The following USPL1 variants were observed in gnomAD, a reference collection of about 807,000 sequenced individuals.
USPL1 encodes the protein SUMO-specific isopeptidase USPL1.
A neutral mutation model predicts 51.5 loss-of-function variants in USPL1; 27 were observed. That is an observed-to-expected ratio of 0.52 (90% CI 0.39 to 0.72). The LOEUF (loss-of-function observed/expected upper bound fraction) is 0.72. Ranked by LOEUF, USPL1 falls within the 30% of genes least tolerant of loss-of-function variation. USPL1 has a pLI of 0.00. For synonymous variants in USPL1, 451 were observed against 459.6 expected (o/e 0.98, Z 0.24); for missense variants, 1,226 against 1,268.0 (o/e 0.97, Z 0.50).
chr13:30,634,515 T>C (rs751525268), intron 4 of USPL1, among the ~76,000 whole-genome samples: 1 of 152,230 alleles, frequency 6.6e-6, no homozygotes, highest in African/African-American at 2.4e-5. Context: ...TTTCTTGTTG[T>C]AAAAATTTAT....
intron 3 of USPL1, among the ~76,000 whole-genome samples, chr13:30,629,333 G>A (rs1363861484): frequency 6.6e-6 from 1 of 152,052 alleles, no homozygotes; most frequent in African/African-American, 2.4e-5. Context: ...GTGAAACCTT[G>A]TCTCTACAGA....
rs185924335 is a variant in USPL1 at position 30,629,250 on chromosome 13, C to T, written c.229-1585C>T. On this transcript the variant is annotated intron_variant, in intron 3 of 8. Coordinates refer to ENST00000255304, the MANE Select transcript of USPL1 (RefSeq NM_005800.5). ...TGGGCATGGTGGCTCACATCTGGAA[C>T]TCCAGCACTTTGGGAGGCCGAGGCA... 2.6e-5 allele frequency among the ~76,000 whole-genome samples: 4 copies of T among 152,228 alleles called. No homozygotes were observed. In the East Asian group the frequency reaches 7.7e-4, roughly 29 times the overall value.
chr13:30,623,533 TG>T (rs540262069), intron 3 of USPL1, among the ~76,000 whole-genome samples: 248 of 151,234 alleles, frequency 1.6e-3, no homozygotes, highest in African/African-American at 5.7e-3. Flanking sequence ...ATTTGGTCCT[TG>T]TCTATGGTTT....
rs555049390 is a variant in USPL1 at position 30,628,591 on chromosome 13, G to A, written c.229-2244G>A. The stretch of plus-strand genomic sequence containing the variant: ...GTGTGATGTTCCCCTCTCTGTGTCC[G>A]TGTGTTCTCATTGTTCAGCTCCCAC... On this transcript the variant is annotated intron_variant, in intron 3 of 8. Coordinates refer to ENST00000255304, the MANE Select transcript of USPL1 (RefSeq NM_005800.5). Among the ~76,000 whole-genome samples the A allele has an allele frequency of 1.4e-4, 21 of 152,170 alleles. No individual in the cohort carries two copies. In the East Asian group the frequency reaches 1.7e-3, roughly 13 times the overall value.
In USPL1 at chr13:30,653,290, AT is replaced by A. The variant is rs776889667; in HGVS notation, c.1385del (p.Leu462Ter). On this transcript the variant is annotated frameshift_variant, in exon 8 of 9. Coordinates refer to ENST00000255304, the MANE Select transcript of USPL1 (RefSeq NM_005800.5). LOFTEE classifies it low-confidence loss of function (END_TRUNC). ...YRANNHFITW[I>X]LDADGSWLEC... ...AGCAAATAATCATTTTATAACATGG[AT>A]TTTAGATGCTGATGGTAAGTGTTTA... 1 of 1,601,338 alleles carries A rather than the reference AT, an allele frequency of 6.2e-7. No individual in the cohort carries two copies. The highest frequency in any genetic ancestry group is 8.5e-7 in the Non-Finnish European group (1 of 1,171,098).
At chr13:30,643,669 G>A (rs1950979820) in intron 6 of USPL1, among the ~76,000 whole-genome samples, 1 of 137,680 alleles carries the variant, frequency 7.3e-6, no homozygotes, top group Admixed American at 8.0e-5. Flanking sequence ...GAGTGCAGCA[G>A]CGTGATCCCG....
chr13:30,652,238 T>C (rs1951101188), intron 7 of USPL1, among the ~76,000 whole-genome samples: 1 of 152,226 alleles, frequency 6.6e-6, no homozygotes, highest in Admixed American at 6.5e-5. Flanking sequence ...GCAGGACTTT[T>C]TATTTTGTAG....
chr13:30,638,687 A>G (rs1950907263), intron 5 of USPL1, among the ~76,000 whole-genome samples: 1 of 151,822 alleles, frequency 6.6e-6, no homozygotes, highest in African/African-American at 2.4e-5. Context: ...GCAGAATATG[A>G]TACTCCCTAT....
At chr13:30,620,259 A>G (rs771248674) in intron 1 of USPL1, among the ~76,000 whole-genome samples, 12 of 152,176 alleles carry the variant, frequency 7.9e-5, no homozygotes, top group Admixed American at 2.0e-4. Flanking sequence ...ACTTATGCCT[A>G]GAATTATTTT....
intron 3 of USPL1, among the ~76,000 whole-genome samples, chr13:30,625,531 C>T (rs901873157): frequency 2.0e-5 from 3 of 150,626 alleles, no homozygotes; most frequent in African/African-American, 4.9e-5. Context: ...CCGCAACCTC[C>T]GACTCCCTGG....
At chr13:30,628,191 C>T (rs1312676344) in intron 3 of USPL1, among the ~76,000 whole-genome samples, 6 of 151,860 alleles carry the variant, frequency 4.0e-5, no homozygotes, top group South Asian at 2.1e-4. Context: ...CCACTGTACC[C>T]GGCCTCTAGT....
intron 6 of USPL1, among the ~76,000 whole-genome samples, chr13:30,644,882 C>T (rs912974931): frequency 1.3e-5 from 2 of 152,174 alleles, no homozygotes; most frequent in Non-Finnish European, 2.9e-5. Flanking sequence ...TTTATTCATA[C>T]CTAGGACTTA....
intron 3 of USPL1, among the ~76,000 whole-genome samples, chr13:30,622,410 A>G (rs547382085): frequency 6.6e-6 from 1 of 152,318 alleles, no homozygotes; most frequent in South Asian, 2.1e-4. Context: ...CGGCTTTTAT[A>G]TAGCAGCTCA....
rs201175537 is a variant in USPL1 at position 30,657,642 on chromosome 13, C to G, written c.1565C>G (p.Ala522Gly). ...CTTAAAAAGACTAATGACCAACACG[C>G]TCTCAGTAATGAGAAACCAGTATCT... Reference protein sequence around the residue: ...LPLKKTNDQHALSNEKPVSLT... With the variant: ...LPLKKTNDQHGLSNEKPVSLT... The change falls in exon 9 of 9, where the codon GCT becomes GGT. Residue 522 changes from alanine to glycine, a missense_variant. By Grantham distance (60) the Ala-to-Gly change is moderately conservative (BLOSUM62 0). Transcript: ENST00000255304. The G allele has an allele frequency of 6.6e-5, 107 of 1,614,212 alleles. No homozygotes were observed. Among genetic ancestry groups the G allele is most frequent in the Admixed American group, 1.8e-4 (11 of 60,032 alleles).
intron 7 of USPL1, among the ~76,000 whole-genome samples, chr13:30,649,194 C>A (rs1377079103): frequency 1.3e-5 from 2 of 152,148 alleles, no homozygotes; most frequent in Non-Finnish European, 2.9e-5. Context: ...ATAATGTGGG[C>A]ATTTCCTGTT....
At chr13:30,633,784 C>CAAAAAAAAAAAAA (rs61682331) in intron 4 of USPL1, among the ~76,000 whole-genome samples, 1 of 41,274 alleles carries the variant, frequency 2.4e-5, no homozygotes, top group African/African-American at 9.0e-5. Context: ...GACTCTGTCT[C>CAAAAAAAAAAAAA]AAAAAAAAAA....
At chr13:30,653,375 T>C in intron 8 of USPL1, 70 bp downstream of exon 8, 3 of 1,429,672 alleles carry the variant, frequency 2.1e-6, no homozygotes, top group Non-Finnish European at 2.8e-6. Context: ...GGGGACTTTT[T>C]GGTTTTTGTT....
rs1413211550 is a variant in USPL1 at position 30,639,589 on chromosome 13, G to A, written c.982+1732G>A. The stretch of plus-strand genomic sequence containing the variant: ...TATTCTTTTTTCTTTATATCAAGGT[G>A]TAATTTACATATAGTAAGACCGTTT... On this transcript the variant is annotated intron_variant, in intron 5 of 8. Coordinates refer to ENST00000255304, the MANE Select transcript of USPL1 (RefSeq NM_005800.5). 1.3e-5 allele frequency among the ~76,000 whole-genome samples: 2 copies of A among 152,028 alleles called. 1 individual carries two copies. Among genetic ancestry groups the A allele is most frequent in the African/African-American group, 4.8e-5 (2 of 41,370 alleles).
intron 4 of USPL1, among the ~76,000 whole-genome samples, chr13:30,636,852 T>TAGCA (rs1377629172): frequency 6.6e-6 from 1 of 152,208 alleles, no homozygotes; most frequent in African/African-American, 2.4e-5. Context: ...CCAGGCAACA[T>TAGCA]AGCAAGACCC....
Sources: gnomAD v4.1 joint callset for allele counts (sites outside exome capture counted in the v4.1 genomes callset) on GRCh38, gnomAD v4.1.1 for gene constraint, MANE v1.5 for transcripts, NCBI Gene and HGNC (gene_info 2026-07-23, HGNC 2026-07-21) for gene names.